TAF1A: variants seen among roughly 807,000 people sequenced by gnomAD.
The protein encoded by TAF1A is TATA box-binding protein-associated factor RNA polymerase I subunit A.
TAF1A carries 42 observed loss-of-function variants against 61.6 expected under a neutral mutation model. The ratio of observed to expected loss-of-function variants is 0.68; its 90% CI spans 0.53 to 0.88. TAF1A has a LOEUF of 0.88. TAF1A is among the 40% of genes least tolerant of loss of function. The pLI is 0.00. For synonymous variants in TAF1A, 179 were observed against 177.7 expected, an observed-to-expected ratio of 1.01 and a Z score of -0.06; for missense variants, 424 against 518.7, an observed-to-expected ratio of 0.82 and a Z score of 1.77.
intron 5 of TAF1A, among the ~76,000 whole-genome samples, chr1:222,572,410 G>C (rs1338614699): frequency 6.6e-6 from 1 of 152,134 alleles, no homozygotes; most frequent in Non-Finnish European, 1.5e-5. Context: ...CTGGACTGCA[G>C]TGGCATGATT....
chr1:222,580,616 A>T (rs1356019662), intron 3 of TAF1A, among the ~76,000 whole-genome samples: 4 of 152,198 alleles, frequency 2.6e-5, no homozygotes, highest in Non-Finnish European at 4.4e-5. Context: ...TACACATATT[A>T]TCATTTGATA....
chr1:222,556,924 C>T (rs964038047), downstream of TAF1A, among the ~76,000 whole-genome samples: 2 of 152,262 alleles, frequency 1.3e-5, no homozygotes, highest in Non-Finnish European at 2.9e-5. Context: ...CCTACACAAC[C>T]GAATTATGGA....
Position 222,587,859 on chromosome 1 carries a change from C to T in TAF1A, c.121+584G>A, listed in dbSNP as rs765718441. On this transcript the variant is annotated intron_variant, in intron 2 of 10. Coordinates refer to ENST00000352967, the MANE Select transcript of TAF1A (RefSeq NM_005681.4). ...TTGAGGTCAAGAGTTCAAGAACAGC[C>T]TGCCCAACATGGTGAAACCCTGTCT... Among the ~76,000 whole-genome samples, 8 of 152,208 alleles carry T rather than the reference C, an allele frequency of 5.3e-5. No individual in the cohort carries two copies. In the East Asian group the frequency reaches 1.5e-3, roughly 29 times the overall value.
chr1:222,575,582 G>T (rs2936035), intron 5 of TAF1A, among the ~76,000 whole-genome samples: 31,263 of 152,054 alleles, frequency 0.21, 4,145 homozygotes, highest in African/African-American at 0.39. Context: ...TATAGAAGGA[G>T]GTTCCTAGTC....
At chr1:222,556,324 CT>C (rs1311667708), downstream of TAF1A, among the ~76,000 whole-genome samples, 2 of 152,114 alleles carry the variant, frequency 1.3e-5, no homozygotes, top group Admixed American at 6.6e-5. Flanking sequence ...GACCTGGGTT[CT>C]TTTTGCTGCT....
intron 5 of TAF1A, among the ~76,000 whole-genome samples, chr1:222,574,754 C>T (rs943201984): frequency 1.3e-5 from 2 of 152,128 alleles, no homozygotes; most frequent in African/African-American, 4.8e-5. Flanking sequence ...ACTCCAAATA[C>T]AGCATTCAGA....
At chr1:222,568,311 A>G (rs1167255835) in intron 7 of TAF1A, among the ~76,000 whole-genome samples, 2 of 152,182 alleles carry the variant, frequency 1.3e-5, no homozygotes, top group Non-Finnish European at 2.9e-5. Flanking sequence ...TACTCTTTGA[A>G]AGATACTATT....
chr1:222,579,825 G>A lies in TAF1A; in HGVS notation c.339C>T (p.Ser113=). The A allele has an allele frequency of 6.2e-7, 1 of 1,609,370 alleles. No individual in the cohort carries two copies. Among genetic ancestry groups the A allele is most frequent in the Non-Finnish European group, 8.5e-7 (1 of 1,178,912 alleles). The change falls in exon 4 of 11, where the codon AGC becomes AGT. Residue 113 remains serine, a synonymous_variant. Transcript: ENST00000352967. The part of the protein sequence containing the change: ...GSEILFYHPK[S]NMESFNTFAN... ...CAAAAGTATTGAAACTCTCCATGTT[G>A]CTTTTGGGATGATAAAATAGAATTT...
intron 7 of TAF1A, 137 bp from the exon 8 acceptor site, chr1:222,564,262 C>A: frequency 3.1e-6 from 1 of 321,542 alleles, no homozygotes; most frequent in Non-Finnish European, 5.8e-6. Flanking sequence ...AATACCCTGG[C>A]TCTTTATCTA....
chr1:222,579,633 C>G, intron 4 of TAF1A, 126 bp downstream of exon 4: 1 of 1,160,594 alleles, frequency 8.6e-7, no homozygotes, highest in Non-Finnish European at 1.2e-6. Flanking sequence ...TTCAGTTTCT[C>G]TTATTTATCC....
At chr1:222,579,664 C>T in intron 4 of TAF1A, 95 bp downstream of exon 4, 2 of 1,429,892 alleles carry the variant, frequency 1.4e-6, no homozygotes, top group Non-Finnish European at 9.5e-7. Context: ...ATCCTTGTCC[C>T]ACATTTTTTA....
chr1:222,577,758 T>C lies in TAF1A; in HGVS notation c.406-115A>G, dbSNP rs115228346. On this transcript the variant is annotated intron_variant, in intron 4 of 10. Coordinates refer to ENST00000352967, the MANE Select transcript of TAF1A (RefSeq NM_005681.4). ...AAGACCTTGGTAGGATACAAATAAC[T>C]TGACATGGAAAATTTTGATGTTGGG... is the stretch of plus-strand genomic sequence containing the variant. The C allele has an allele frequency of 7.6e-4, 702 of 918,040 alleles. 5 individuals are homozygous for C. The African/African-American group carries it at 0.01, about 13-fold the overall frequency. The allele number at this position is 918,040 out of a possible 1,614,324, so 56.9% of individuals were successfully genotyped here. A position where few individuals can be genotyped will look rare whatever the true frequency, so the allele number is the denominator to read the frequency against.
downstream of TAF1A, among the ~76,000 whole-genome samples, chr1:222,555,659 T>TA (rs1659716554): frequency 1.3e-5 from 2 of 152,320 alleles, no homozygotes; most frequent in Admixed American, 6.5e-5. Flanking sequence ...GACAGTTCAG[T>TA]ACTGTATTAC....
intron 7 of TAF1A, among the ~76,000 whole-genome samples, chr1:222,565,008 T>G (rs1660062291): frequency 6.6e-6 from 1 of 152,198 alleles, no homozygotes; most frequent in African/African-American, 2.4e-5. Flanking sequence ...ATATAACATG[T>G]AGTAGAAGTG....
Position 222,569,490 on chromosome 1 carries a change from T to A in TAF1A, c.894+20A>T. ...GTAGATTCCCAACCCTGGTCAAACA[T>A]CGAGATAAAAATTCTATACCTTAAG... On this transcript the variant is annotated intron_variant, in intron 7 of 10. Transcript: ENST00000352967. 1 of 1,613,464 alleles carries A rather than the reference T, an allele frequency of 6.2e-7. No homozygotes were observed. The highest frequency in any genetic ancestry group is 1.7e-4 in the Middle Eastern group (1 of 6,056).
At chr1:222,581,677 AT>A (rs1660795201) in intron 3 of TAF1A, among the ~76,000 whole-genome samples, 1 of 152,194 alleles carries the variant, frequency 6.6e-6, no homozygotes, top group Non-Finnish European at 1.5e-5. Flanking sequence ...GCAATTTTAA[AT>A]AGTCAAAGTA....
intron 7 of TAF1A, among the ~76,000 whole-genome samples, chr1:222,564,340 C>A: frequency 6.9e-6 from 1 of 145,206 alleles, no homozygotes; most frequent in South Asian, 2.1e-4. Flanking sequence ...AAAAAAAGGC[C>A]CTGATAACAA....
At position 222,563,881 on chromosome 1, in the gene TAF1A, C is replaced by T. The variant is rs535492756; in HGVS notation, c.961+178G>A. ...GCATACAGTCTCTGTCACAACTACACGGCTCTGTCACTATAGTGCAAAAGC... is the reference window on the plus strand; with the variant it reads ...GCATACAGTCTCTGTCACAACTACATGGCTCTGTCACTATAGTGCAAAAGC... On this transcript the variant is annotated intron_variant, in intron 8 of 10. Transcript: ENST00000352967. Among the ~76,000 whole-genome samples the T allele has an allele frequency of 1.8e-4, 27 of 152,294 alleles. No individual in the cohort carries two copies. In the South Asian group the frequency reaches 4.3e-3, roughly 25 times the overall value.
At chr1:222,583,925 G>A (rs886260419) in intron 3 of TAF1A, among the ~76,000 whole-genome samples, 6 of 151,936 alleles carry the variant, frequency 3.9e-5, no homozygotes, top group Non-Finnish European at 7.4e-5. Flanking sequence ...AGAATTATTG[G>A]AATGAACATT....
Sources: allele counts gnomAD v4.1 joint callset (sites outside exome capture counted in the v4.1 genomes callset), GRCh38; gene constraint gnomAD v4.1.1; transcripts MANE v1.5; gene names NCBI Gene and HGNC (gene_info 2026-07-23, HGNC 2026-07-21).